The following PRKCA variants were observed in gnomAD, a reference collection of about 807,000 sequenced individuals.
The protein encoded by PRKCA is protein kinase C alpha.
In PRKCA, 27 loss-of-function variants were observed where a neutral mutation model predicts 87.0. The ratio of observed to expected loss-of-function variants is 0.31; its 90% CI spans 0.23 to 0.43. PRKCA has a LOEUF of 0.43. Among genes scored for constraint, PRKCA ranks in the 20% least tolerant of loss-of-function variants. PRKCA has a pLI of 1.00. For synonymous variants in PRKCA, 329 were observed against 311.1 expected, an observed-to-expected ratio of 1.06 and a Z score of -0.61; for missense variants, 518 against 852.3, an observed-to-expected ratio of 0.61 and a Z score of 4.88.
In PRKCA at chr17:66,318,874, G is replaced by A. The variant is rs1003585865; in HGVS notation, c.205+12747G>A. On this transcript the variant is annotated intron_variant, in intron 2 of 16. Transcript: ENST00000413366. ...GGTCTCAAAAAAAAAAAGACTTGCC[G>A]TGGTGGCTGGCCTAAGTAGGCAGAT... Among the ~76,000 whole-genome samples, 4 of 151,792 alleles carry A rather than the reference G, an allele frequency of 2.6e-5. No homozygotes were observed. The South Asian group carries it at 6.2e-4, about 24-fold the overall frequency.
At chr17:66,777,126 G>A (rs2144345810) in intron 14 of PRKCA, 2 of 706,406 alleles carry the variant, frequency 2.8e-6, no homozygotes, top group Non-Finnish European at 3.5e-6. Context: ...CCACCTGATG[G>A]TCGCCTGACA....
intron 13 of PRKCA, among the ~76,000 whole-genome samples, chr17:66,771,104 G>A (rs1974924415): frequency 6.6e-6 from 1 of 151,398 alleles, no homozygotes; most frequent in South Asian, 2.1e-4. Context: ...ATGGGTTGAA[G>A]CAACTCTCCT....
chr17:66,803,409 A>G lies in PRKCA; in HGVS notation c.1855-464A>G, dbSNP rs1005337951. Among the ~76,000 whole-genome samples, 10 of 152,320 alleles carry G rather than the reference A, an allele frequency of 6.6e-5. No individual in the cohort carries two copies. In the Middle Eastern group the frequency reaches 0.014, roughly 207 times the overall value. ...GCAAGGATAACACAGTTTTTACTTC[A>G]CTACAAATATTGCGGCAAAAAAACA... is the stretch of plus-strand genomic sequence containing the variant. On this transcript the variant is annotated intron_variant, in intron 16 of 16. Coordinates refer to ENST00000413366, the MANE Select transcript of PRKCA (RefSeq NM_002737.3). This position sits in a 1 kb window ranked among gnomAD's most constrained non-coding sequence, Gnocchi z 4.4.
chr17:66,650,459 G>A (rs550533665), intron 5 of PRKCA, among the ~76,000 whole-genome samples: 8 of 151,948 alleles, frequency 5.3e-5, no homozygotes, highest in Non-Finnish European at 1.2e-4. Context: ...AATCCCTCAT[G>A]GGAACCAATT....
At chr17:66,388,981 G>C (rs1331258273) in intron 2 of PRKCA, among the ~76,000 whole-genome samples, 1 of 152,202 alleles carries the variant, frequency 6.6e-6, no homozygotes, top group African/African-American at 2.4e-5. Context: ...AAAAGAAAAA[G>C]CTGTGGGAAA....
chr17:66,724,239 T>C (rs1973686014), intron 8 of PRKCA, among the ~76,000 whole-genome samples: 1 of 150,514 alleles, frequency 6.6e-6, no homozygotes, highest in Non-Finnish European at 1.5e-5. Flanking sequence ...GAGGTTGCAG[T>C]GAGCCAAGAT....
intron 3 of PRKCA, among the ~76,000 whole-genome samples, chr17:66,508,927 G>A (rs1159774934): frequency 1.3e-5 from 2 of 152,132 alleles, no homozygotes; most frequent in Non-Finnish European, 2.9e-5. Flanking sequence ...ACTCACAGCG[G>A]CCTCACTGGC....
intron 3 of PRKCA, among the ~76,000 whole-genome samples, chr17:66,521,695 G>A (rs1424671060): frequency 1.3e-5 from 2 of 152,180 alleles, no homozygotes; most frequent in African/African-American, 2.4e-5. Flanking sequence ...AGGACTTTAT[G>A]CAGTAGGACT....
chr17:66,697,270 A>G (rs1972945965), intron 8 of PRKCA, among the ~76,000 whole-genome samples: 1 of 152,238 alleles, frequency 6.6e-6, no homozygotes, highest in Non-Finnish European at 1.5e-5. Context: ...AATAGAATCT[A>G]AAGCTAGATG....
At chr17:66,435,449 T>C (rs1477003000) in intron 2 of PRKCA, among the ~76,000 whole-genome samples, 1 of 152,196 alleles carries the variant, frequency 6.6e-6, no homozygotes, top group Non-Finnish European at 1.5e-5. Flanking sequence ...TTGTGTGCTG[T>C]GTTCTTATTG....
chr17:66,448,980 T>TAAAA (rs58373500), intron 2 of PRKCA, among the ~76,000 whole-genome samples: 2 of 140,602 alleles, frequency 1.4e-5, no homozygotes, highest in Non-Finnish European at 3.1e-5. Flanking sequence ...ACTCTAAACT[T>TAAAA]AAAAAAAAAA....
chr17:66,758,769 T>C (rs983346019), intron 13 of PRKCA, among the ~76,000 whole-genome samples: 3 of 152,216 alleles, frequency 2.0e-5, no homozygotes, highest in Non-Finnish European at 4.4e-5. Flanking sequence ...TTGGGTTCCA[T>C]ATTTTCCTTA....
chr17:66,799,770 G>C (rs1227721663), intron 16 of PRKCA, among the ~76,000 whole-genome samples: 1 of 151,772 alleles, frequency 6.6e-6, no homozygotes, highest in Non-Finnish European at 1.5e-5. Flanking sequence ...TTGACTTATA[G>C]TAGATTGTCT....
intron 2 of PRKCA, among the ~76,000 whole-genome samples, chr17:66,429,170 A>C (rs911616348): frequency 1.1e-4 from 16 of 152,116 alleles, no homozygotes; most frequent in African/African-American, 3.9e-4. Flanking sequence ...CTTGGTATCT[A>C]GTAGATGCTT....
chr17:66,647,091 G>A (rs943083208), intron 5 of PRKCA, among the ~76,000 whole-genome samples: 5 of 151,552 alleles, frequency 3.3e-5, no homozygotes, highest in Admixed American at 3.3e-4. Flanking sequence ...GATGCTCTCT[G>A]CCCAGAGGAA....
chr17:66,512,351 A>T (rs1598732328), intron 3 of PRKCA, among the ~76,000 whole-genome samples: 1 of 152,214 alleles, frequency 6.6e-6, no homozygotes, highest in East Asian at 1.9e-4. Flanking sequence ...CTGAGGCAGG[A>T]GAATTGCTTG....
intron 13 of PRKCA, among the ~76,000 whole-genome samples, chr17:66,749,193 T>G (rs1159410839): frequency 6.6e-6 from 1 of 152,056 alleles, no homozygotes; most frequent in African/African-American, 2.4e-5. Flanking sequence ...TGGCTCTGAA[T>G]TGGGTATCTT....
At chr17:66,665,536 C>A (rs572358578) in intron 5 of PRKCA, among the ~76,000 whole-genome samples, 1 of 152,048 alleles carries the variant, frequency 6.6e-6, no homozygotes, top group Non-Finnish European at 1.5e-5. Context: ...TCATTAAAGT[C>A]ACCTGAGTAG....
In PRKCA at chr17:66,516,067, T is replaced by C. The variant is rs187279949; in HGVS notation, c.288+19784T>C. On this transcript the variant is annotated intron_variant, in intron 3 of 16. Transcript: ENST00000413366. Reference sequence around the variant, plus strand: ...TACTTCCTGATAGTAGATATTAGGATTGATTGAAGCAAAGCATGTGTATTA... The same window carrying C: ...TACTTCCTGATAGTAGATATTAGGACTGATTGAAGCAAAGCATGTGTATTA... Among the ~76,000 whole-genome samples, 938 of 152,258 alleles carry C rather than the reference T, an allele frequency of 6.2e-3. 10 individuals are homozygous for C. Among genetic ancestry groups the C allele is most frequent in the South Asian group, 0.024 (118 of 4,826 alleles).
Sources: gnomAD v4.1 joint callset for allele counts (sites outside exome capture counted in the v4.1 genomes callset) on GRCh38, gnomAD v4.1.1 for gene constraint, Gnocchi (gnomAD v3.1) non-coding constraint, MANE v1.5 for transcripts, NCBI Gene and HGNC (gene_info 2026-07-23, HGNC 2026-07-21) for gene names.